Variants in ROBO2 observed in about 807,000 individuals in gnomAD.
The protein encoded by ROBO2 is roundabout guidance receptor 2.
Under a neutral mutation model 160.8 loss-of-function variants are expected in ROBO2, and 53 were observed. The observed-to-expected ratio is 0.33, with a 90% confidence interval of 0.26 to 0.41. ROBO2 has a LOEUF of 0.41. Ranked by LOEUF, ROBO2 falls within the 10% of genes least tolerant of loss-of-function variation. The pLI is 1.00. For missense variants in ROBO2, 1,577 were observed against 1,722.4 expected, an observed-to-expected ratio of 0.92 and a Z score of 1.49; for synonymous variants, 664 against 611.7, an observed-to-expected ratio of 1.09 and a Z score of -1.26.
chr3:76,535,981 T>C (rs1160539144), intron 2 of ROBO2, among the ~76,000 whole-genome samples: 1 of 152,124 alleles, frequency 6.6e-6, no homozygotes, highest in East Asian at 1.9e-4. Context: ...CCAGGGGCCC[T>C]AGAAGTGGCT....
At chr3:77,623,937 T>C (rs1165037532) in intron 23 of ROBO2, among the ~76,000 whole-genome samples, 2 of 152,164 alleles carry the variant, frequency 1.3e-5, no homozygotes, top group Non-Finnish European at 2.9e-5. Context: ...GAGAATGCCA[T>C]TTTGCACTTT....
At chr3:77,036,382 C>T (rs372854009), upstream of ROBO2, among the ~76,000 whole-genome samples, 24 of 151,936 alleles carry the variant, frequency 1.6e-4, 2 homozygotes, top group South Asian at 4.0e-3. Context: ...AACAAGAGCA[C>T]GTTGAAAAGA....
intron 2 of ROBO2, among the ~76,000 whole-genome samples, chr3:77,158,396 T>C (rs1242712721): frequency 6.6e-6 from 1 of 152,020 alleles, no homozygotes; most frequent in African/African-American, 2.4e-5. Context: ...TAGTTCAGTG[T>C]GTGAAAAACA....
chr3:75,952,570 G>A (rs780402074), intron 2 of ROBO2, among the ~76,000 whole-genome samples: 1 of 151,812 alleles, frequency 6.6e-6, no homozygotes, highest in Admixed American at 6.6e-5. Flanking sequence ...CAATTTCCCC[G>A]ATTTTTAACA....
chr3:77,327,544 G>A (rs1482282381), intron 2 of ROBO2, among the ~76,000 whole-genome samples: 1 of 152,106 alleles, frequency 6.6e-6, no homozygotes, highest in East Asian at 1.9e-4. Context: ...GATGAGTAAA[G>A]TGCATATATG....
chr3:76,937,348 GT>G (rs34183840), intron 2 of ROBO2, among the ~76,000 whole-genome samples: 63,173 of 151,392 alleles, frequency 0.42, 13,294 homozygotes, highest in South Asian at 0.49. Context: ...CAGGGTTTTT[GT>G]TTTTTTTAAT....
intron 2 of ROBO2, among the ~76,000 whole-genome samples, chr3:76,597,061 T>A (rs1019146172): frequency 1.3e-5 from 2 of 152,058 alleles, no homozygotes; most frequent in Non-Finnish European, 2.9e-5. Flanking sequence ...CACAGTAAAA[T>A]TTTTTTAAAA....
intron 2 of ROBO2, among the ~76,000 whole-genome samples, chr3:77,399,369 T>A (rs1361084335): frequency 6.6e-6 from 1 of 152,174 alleles, no homozygotes; most frequent in African/African-American, 2.4e-5. Context: ...TTTATGGAAG[T>A]TTCCTAGGAA....
intron 2 of ROBO2, among the ~76,000 whole-genome samples, chr3:77,448,621 G>A (rs563365605): frequency 5.3e-5 from 8 of 151,886 alleles, no homozygotes; most frequent in African/African-American, 1.2e-4. Context: ...ATTAGTCTGC[G>A]TACATTTCAC....
At chr3:76,266,463 A>T (rs1707107475) in intron 2 of ROBO2, among the ~76,000 whole-genome samples, 1 of 152,130 alleles carries the variant, frequency 6.6e-6, no homozygotes, top group Non-Finnish European at 1.5e-5. Flanking sequence ...TTTCATAAAA[A>T]GTTTGCTGCC....
At chr3:77,394,429 G>GCA (rs1322550151) in intron 2 of ROBO2, among the ~76,000 whole-genome samples, 1 of 152,094 alleles carries the variant, frequency 6.6e-6, no homozygotes, top group East Asian at 1.9e-4. Flanking sequence ...AAAGACTGGT[G>GCA]AAGTATTGAA....
At chr3:77,489,283 T>C (rs1436533798) in intron 4 of ROBO2, among the ~76,000 whole-genome samples, 1 of 152,150 alleles carries the variant, frequency 6.6e-6, no homozygotes, top group African/African-American at 2.4e-5. Flanking sequence ...TTGAATTACA[T>C]TTTTCACCAT....
At chr3:76,070,168 C>A (rs1344842909) in intron 2 of ROBO2, among the ~76,000 whole-genome samples, 1 of 152,190 alleles carries the variant, frequency 6.6e-6, no homozygotes, top group African/African-American at 2.4e-5. Flanking sequence ...GTTTAGGAAA[C>A]AACAGAGATA....
At position 76,274,364 on chromosome 3, in the gene ROBO2, A is replaced by C. The variant is rs578025288; in HGVS notation, c.109+336762A>C. Among the ~76,000 whole-genome samples, 6 of 152,138 alleles carry C rather than the reference A, an allele frequency of 3.9e-5. No individual in the cohort carries two copies. In the South Asian group the frequency reaches 1.0e-3, roughly 26 times the overall value. ...TAAAGTATAATTAAAAAAAAAAAGA[A>C]TTTTCAGCATGATATCTTAAACTAA... On this transcript the variant is annotated intron_variant, in intron 2 of 26. Transcript: ENST00000487694.
intron 2 of ROBO2, among the ~76,000 whole-genome samples, chr3:76,334,107 G>A (rs1240883157): frequency 3.9e-5 from 6 of 151,992 alleles, no homozygotes; most frequent in East Asian, 3.9e-4. Flanking sequence ...AAACCTGCAC[G>A]TTGTGCACAT....
intron 1 of ROBO2, among the ~76,000 whole-genome samples, chr3:77,066,322 C>T (rs2066833414): frequency 6.6e-6 from 1 of 152,002 alleles, no homozygotes; most frequent in South Asian, 2.1e-4. Flanking sequence ...TATGTCAAAA[C>T]CTTTAACATT....
chr3:76,595,580 G>A (rs1410052192), intron 2 of ROBO2, among the ~76,000 whole-genome samples: 2 of 151,956 alleles, frequency 1.3e-5, no homozygotes, highest in Admixed American at 1.3e-4. Flanking sequence ...AGTGAATAAA[G>A]CATGAACGTG....
At chr3:77,072,739 A>G (rs1410894073) in intron 1 of ROBO2, among the ~76,000 whole-genome samples, 1 of 152,212 alleles carries the variant, frequency 6.6e-6, no homozygotes, top group African/African-American at 2.4e-5. Flanking sequence ...TAGGTGCTCA[A>G]CATATATTTG....
intron 2 of ROBO2, among the ~76,000 whole-genome samples, chr3:76,062,209 A>G (rs1324864827): frequency 2.6e-5 from 4 of 152,172 alleles, no homozygotes; most frequent in African/African-American, 9.7e-5. Flanking sequence ...TTTTAAAACA[A>G]TCTTTGAAAG....
Sources: gnomAD v4.1 joint callset for allele counts (sites outside exome capture counted in the v4.1 genomes callset) on GRCh38, gnomAD v4.1.1 for gene constraint, MANE v1.5 for transcripts, NCBI Gene and HGNC (gene_info 2026-07-23, HGNC 2026-07-21) for gene names.